The following COL4A5 variants were observed in gnomAD, a reference collection of about 807,000 sequenced individuals.
The protein encoded by COL4A5 is collagen type IV alpha 5 chain, also known as collagen alpha-5(IV) chain.
A neutral mutation model predicts 130.2 loss-of-function variants in COL4A5; 26 were observed. The observed-to-expected ratio is 0.20, with a 90% confidence interval of 0.15 to 0.28. The LOEUF (loss-of-function observed/expected upper bound fraction) is 0.28. Ranked by LOEUF, COL4A5 falls within the 10% of genes least tolerant of loss-of-function variation. The pLI is 1.00. For synonymous variants in COL4A5, 496 were observed against 439.6 expected (o/e 1.13, Z -1.60); for missense variants, 1,131 against 1,344.3 (o/e 0.84, Z 2.48).
At chrX:108,603,145 A>G in intron 28 of COL4A5, 84 bp downstream of exon 28, 1 of 613,538 alleles carries the variant, frequency 1.6e-6, no homozygotes, top group Non-Finnish European at 2.7e-6. Context: ...TGACTCAGAT[A>G]TCATCCCAAG....
intron 36 of COL4A5, among the ~76,000 whole-genome samples, chrX:108,646,400 A>G (rs1442660407): frequency 7.2e-5 from 8 of 111,674 alleles, no homozygotes; most frequent in Admixed American, 3.8e-4. Flanking sequence ...GTCTGTTCAT[A>G]TACTTTGCCC....
intron 1 of COL4A5, among the ~76,000 whole-genome samples, chrX:108,460,397 AC>A (rs1402263341): frequency 9.1e-6 from 1 of 109,992 alleles, no homozygotes; most frequent in Non-Finnish European, 1.9e-5. Context: ...AACTCCCTCC[AC>A]CCCCTAAAGA....
At chrX:108,696,250 A>G in intron 52 of COL4A5, 47 bp from the exon 53 acceptor site, 2 of 1,039,848 alleles carry the variant, frequency 1.9e-6, no homozygotes, top group Non-Finnish European at 2.7e-6. Flanking sequence ...AACAGAATTG[A>G]AATACCAGAA....
intron 1 of COL4A5, 143 bp from the exon 2 acceptor site, chrX:108,539,603 T>C: frequency 1.9e-6 from 1 of 527,568 alleles, no homozygotes; most frequent in East Asian, 3.5e-5. Flanking sequence ...GTAACTGTTA[T>C]TTGCAATTTC....
intron 24 of COL4A5, 31 bp downstream of exon 24, chrX:108,597,599 A>T: frequency 8.6e-7 from 1 of 1,157,842 alleles, no homozygotes; most frequent in Non-Finnish European, 1.2e-6. Context: ...TGGTTTTGTG[A>T]TGTTAAATTT....
intron 25 of COL4A5, 53 bp from the exon 26 acceptor site, chrX:108,601,340 C>T: frequency 1.2e-6 from 1 of 821,044 alleles, no homozygotes; most frequent in East Asian, 3.2e-5. Flanking sequence ...TAAAAAGAGA[C>T]CTTTAGTTGA....
chrX:108,625,848 A>G lies in COL4A5; in HGVS notation c.3106+54A>G, dbSNP rs147884566. ...AGTCCCATTAATGAAAGGTGGTTCA[A>G]TATCTCTTTTTTTGTCAGAAAAGAG... On this transcript the variant is annotated intron_variant, in intron 35 of 52. Transcript: ENST00000328300. The G allele has an allele frequency of 2.1e-4, 188 of 914,560 alleles. No individual in the cohort carries two copies. In the East Asian group the frequency reaches 5.5e-3, roughly 27 times the overall value. 75.4% of individuals were successfully genotyped at this position (914,560 alleles called of 1,213,427 possible).
At chrX:108,540,210 T>C (rs1271993749) in intron 2 of COL4A5, among the ~76,000 whole-genome samples, 2 of 111,393 alleles carry the variant, frequency 1.8e-5, no homozygotes, top group East Asian at 5.7e-4. Flanking sequence ...CCTAGCTTAA[T>C]GGCTACCTTT....
chrX:108,508,429 G>A (rs1406391250), intron 1 of COL4A5, among the ~76,000 whole-genome samples: 2 of 109,503 alleles, frequency 1.8e-5, no homozygotes, highest in African/African-American at 6.7e-5. Flanking sequence ...TCATGGATAG[G>A]AAAAATCAAT....
At chrX:108,608,425 A>G (rs2066772247) in intron 29 of COL4A5, among the ~76,000 whole-genome samples, 3 of 111,309 alleles carry the variant, frequency 2.7e-5, no homozygotes, top group Admixed American at 9.6e-5. Context: ...AACAAAGTAG[A>G]CAGAACTTTA....
intron 1 of COL4A5, among the ~76,000 whole-genome samples, chrX:108,444,511 A>C (rs755893308): frequency 2.0e-4 from 22 of 111,465 alleles, no homozygotes; most frequent in Non-Finnish European, 3.4e-4. Flanking sequence ...GAGCCACCGC[A>C]CCTGGCCTCC....
At chrX:108,588,978 A>G (rs2066386488) in intron 19 of COL4A5, among the ~76,000 whole-genome samples, 1 of 111,781 alleles carries the variant, frequency 8.9e-6, no homozygotes, top group Non-Finnish European at 1.9e-5. Flanking sequence ...CCAAAAAGAA[A>G]AAAGGGAATT....
chrX:108,606,375 A>T (rs942159820), intron 28 of COL4A5, among the ~76,000 whole-genome samples: 1 of 112,014 alleles, frequency 8.9e-6, no homozygotes, highest in African/African-American at 3.2e-5. Flanking sequence ...ATTTTATACA[A>T]AAACCACAAT....
rs772318727 is a variant in COL4A5, at chrX:108,604,249, A to G, written c.2244+1188A>G. Among the ~76,000 whole-genome samples, 3 of 112,519 alleles carry G rather than the reference A, an allele frequency of 2.7e-5. No homozygotes were observed. In the South Asian group the frequency reaches 1.1e-3, roughly 41 times the overall value. On this transcript the variant is annotated intron_variant, in intron 28 of 52. Coordinates refer to ENST00000328300, the MANE Select transcript of COL4A5 (RefSeq NM_033380.3). ...AAGAATCACTATTTATGACAGCTATACATTACACAATGTGTTTCTTAAATA... is the reference window on the plus strand; with the variant it reads ...AAGAATCACTATTTATGACAGCTATGCATTACACAATGTGTTTCTTAAATA...
rs1281319475 is a variant in COL4A5 at position 108,655,470 on chromosome X, C to T, written c.3373+13C>T. On this transcript the variant is annotated intron_variant, in intron 37 of 52. Transcript: ENST00000328300. ...CCTGGATTCCCAGGTAAAATTTCTT[C>T]TCTTAAATGCTTCCTTCTTTCCTTC... 3 of 1,209,925 alleles carry T rather than the reference C, an allele frequency of 2.5e-6. No homozygotes were observed. The South Asian group carries it at 5.3e-5, about 21-fold the overall frequency.
chrX:108,548,751 G>A (rs1410775800), intron 2 of COL4A5, among the ~76,000 whole-genome samples: 1 of 111,394 alleles, frequency 9.0e-6, no homozygotes, highest in African/African-American at 3.3e-5. Context: ...TTTACACCGT[G>A]TATAGTGGAA....
intron 1 of COL4A5, among the ~76,000 whole-genome samples, chrX:108,477,120 C>T (rs1197946351): frequency 1.8e-5 from 2 of 111,217 alleles, no homozygotes; most frequent in Admixed American, 9.6e-5. Flanking sequence ...ATCTGCCTTC[C>T]CCAGCCCACT....
At chrX:108,556,056 A>G (rs1248330817) in intron 2 of COL4A5, among the ~76,000 whole-genome samples, 2 of 111,912 alleles carry the variant, frequency 1.8e-5, no homozygotes, top group Non-Finnish European at 3.8e-5. Flanking sequence ...GGGGAGTTAA[A>G]GTTATTACAA....
At chrX:108,523,777 A>G (rs1483293024) in intron 1 of COL4A5, among the ~76,000 whole-genome samples, 1 of 111,751 alleles carries the variant, frequency 8.9e-6, no homozygotes, top group Non-Finnish European at 1.9e-5. Context: ...TTCTGTCAAC[A>G]ATGATTTGTA....
Sources: allele counts gnomAD v4.1 joint callset (sites outside exome capture counted in the v4.1 genomes callset), GRCh38; gene constraint gnomAD v4.1.1; transcripts MANE v1.5; gene names NCBI Gene and HGNC (gene_info 2026-07-23, HGNC 2026-07-21).